EXOC2: variants seen among roughly 807,000 people sequenced by gnomAD.
The protein encoded by EXOC2 is SEC5-like 1.
EXOC2 carries 70 observed loss-of-function variants against 131.8 expected under a neutral mutation model. That is an observed-to-expected ratio of 0.53 (90% CI 0.44 to 0.65). The LOEUF (loss-of-function observed/expected upper bound fraction) is 0.65. Among genes scored for constraint, EXOC2 ranks in the 30% least tolerant of loss-of-function variants. The pLI is 0.00. For synonymous variants in EXOC2, 411 were observed against 398.4 expected (o/e 1.03, Z -0.38); for missense variants, 923 against 1,108.6 (o/e 0.83, Z 2.38).
At chr6:564,417 A>G (rs1401511996) in intron 15 of EXOC2, 128 bp downstream of exon 15, 3 of 1,328,456 alleles carry the variant, frequency 2.3e-6, no homozygotes, top group East Asian at 2.3e-5. Context: ...GATGAACAGG[A>G]AACAGTGGAG....
chr6:631,850 C>T (rs1761876088), intron 3 of EXOC2, among the ~76,000 whole-genome samples: 1 of 152,090 alleles, frequency 6.6e-6, no homozygotes, highest in East Asian at 1.9e-4. Context: ...ATAAAGTCCA[C>T]TCTGAATTTT....
chr6:572,761 C>T (rs1758356470), intron 12 of EXOC2, 117 bp from the exon 13 acceptor site: 15 of 1,309,968 alleles, frequency 1.1e-5, no homozygotes, highest in Non-Finnish European at 1.5e-5. Context: ...CTAGGAATAG[C>T]CTGAGTCTGC....
At chr6:627,551 G>A (rs1039739579) in intron 4 of EXOC2, among the ~76,000 whole-genome samples, 4 of 152,182 alleles carry the variant, frequency 2.6e-5, no homozygotes, top group East Asian at 3.8e-4. Context: ...CTGGCTTGTG[G>A]AGGGCTAATG....
intron 26 of EXOC2, among the ~76,000 whole-genome samples, chr6:490,393 G>A (rs1763361788): frequency 6.6e-6 from 1 of 152,194 alleles, no homozygotes; most frequent in South Asian, 2.1e-4. Context: ...GCTCAACAGT[G>A]AACATGGCCC....
chr6:623,752 G>A (rs574045307), intron 4 of EXOC2, among the ~76,000 whole-genome samples: 1 of 152,268 alleles, frequency 6.6e-6, no homozygotes, highest in South Asian at 2.1e-4. Flanking sequence ...GGATAAACTT[G>A]TTTTTGAACA....
At chr6:687,281 A>C (rs1764706678) in intron 1 of EXOC2, among the ~76,000 whole-genome samples, 1 of 140,300 alleles carries the variant, frequency 7.1e-6, no homozygotes, top group African/African-American at 2.6e-5. Flanking sequence ...TCCAGGCTCA[A>C]GTGATCCTCC....
chr6:599,815 T>A (rs915060145), intron 7 of EXOC2, among the ~76,000 whole-genome samples: 1 of 151,874 alleles, frequency 6.6e-6, no homozygotes, highest in African/African-American at 2.4e-5. Context: ...TTAAATCAGC[T>A]AATCTTATAA....
In EXOC2 at chr6:633,224, T is replaced by C. The variant is rs1206514495; in HGVS notation, c.119-107A>G. The stretch of plus-strand genomic sequence containing the variant: ...CTAGTCTTGTTCAATAATGACATTA[T>C]TGAATATACCCAATATTATTTGCAG... On this transcript the variant is annotated intron_variant, in intron 2 of 27. Transcript: ENST00000230449. 33 of 1,180,992 alleles carry C rather than the reference T, an allele frequency of 2.8e-5. No homozygotes were observed. In the East Asian group the frequency reaches 3.2e-4, roughly 12 times the overall value. 73.2% of individuals were successfully genotyped at this position (1,180,992 alleles called of 1,614,324 possible). A position where few individuals can be genotyped will look rare whatever the true frequency, so the allele number is the denominator to read the frequency against.
chr6:526,590 A>G (rs1000793716), intron 23 of EXOC2, among the ~76,000 whole-genome samples: 2 of 151,742 alleles, frequency 1.3e-5, no homozygotes, highest in Non-Finnish European at 2.9e-5. Flanking sequence ...ACAGGAATGC[A>G]CCACCGTGCC....
chr6:492,736 G>A (rs1039998236), intron 25 of EXOC2, among the ~76,000 whole-genome samples: 1 of 152,150 alleles, frequency 6.6e-6, no homozygotes, highest in African/African-American at 2.4e-5. Flanking sequence ...GTTGTCTGTA[G>A]GGGGAAAGGG....
intron 25 of EXOC2, among the ~76,000 whole-genome samples, chr6:494,523 T>G (rs1156485461): frequency 6.6e-6 from 1 of 152,010 alleles, no homozygotes; most frequent in African/African-American, 2.4e-5. Context: ...TTTTGACTGA[T>G]GTATACACCT....
chr6:655,519 G>C (rs1344988934), intron 1 of EXOC2, among the ~76,000 whole-genome samples: 1 of 152,106 alleles, frequency 6.6e-6, no homozygotes, highest in East Asian at 1.9e-4. Flanking sequence ...TTTCTAATGT[G>C]AATATGATAC....
chr6:630,056 C>G (rs967519122), intron 3 of EXOC2, 95 bp from the exon 4 acceptor site: 1 of 1,393,942 alleles, frequency 7.2e-7, no homozygotes, highest in Admixed American at 2.4e-5. Context: ...AGACCTAATA[C>G]AAAATGCCTG....
intron 11 of EXOC2, among the ~76,000 whole-genome samples, chr6:584,527 A>T (rs191005207): frequency 2.0e-5 from 3 of 152,290 alleles, no homozygotes; most frequent in Admixed American, 6.5e-5. Context: ...TACTCTAGTG[A>T]GTGTCAGAAA....
At position 599,150 on chromosome 6, in the gene EXOC2, G is replaced by A; in HGVS notation, c.818C>T (p.Ala273Val). The change falls in exon 8 of 28, where the codon GCA becomes GTA. Residue 273 changes from alanine to valine, a missense_variant. Transcript: ENST00000230449. ...CTTAAATCGCTGAAGCACATTGAGT[G>A]CATTTCTAGTGGAATCTGCCTTGTC... Reference protein sequence around the residue: ...RKDKADSTRNALNVLQRFKFL... With the variant: ...RKDKADSTRNVLNVLQRFKFL... 2 of 1,613,188 alleles carry A rather than the reference G, an allele frequency of 1.2e-6. No individual in the cohort carries two copies. The highest frequency in any genetic ancestry group is 1.7e-6 in the Non-Finnish European group (2 of 1,179,440).
intron 4 of EXOC2, among the ~76,000 whole-genome samples, chr6:627,416 C>T (rs969529635): frequency 1.3e-4 from 20 of 152,184 alleles, no homozygotes; most frequent in Non-Finnish European, 2.1e-4. Context: ...CACTTTCAGA[C>T]GGACAGAAGG....
In EXOC2 at chr6:564,699, T is replaced by C. The variant is rs1757877745; in HGVS notation, c.1513A>G (p.Met505Val). ...AGGGAGTGCATTACTTCCTGAATCA[T>C]TTTCTAGAAAACCAGGAACAAGCAT... is the stretch of plus-strand genomic sequence containing the variant. ...VRQRQNDFKK[M>V]IQEVMHSLVK... is the part of the protein sequence containing the mutation. Residue 505 changes from methionine (M) to valine (V), a missense_variant, in exon 15 of 28, where the codon ATG (methionine) becomes GTG (valine). Physicochemically the swap from Met to Val is conservative, Grantham distance 21. Coordinates refer to ENST00000230449, the MANE Select transcript of EXOC2 (RefSeq NM_018303.6). 5.0e-6 allele frequency: 8 copies of C among 1,586,962 alleles called. No homozygotes were observed. Among genetic ancestry groups the C allele is most frequent in the Non-Finnish European group, 6.9e-6 (8 of 1,166,236 alleles).
chr6:551,997 C>T (rs951812703), intron 21 of EXOC2, among the ~76,000 whole-genome samples: 8 of 152,326 alleles, frequency 5.3e-5, no homozygotes, highest in South Asian at 2.1e-4. Flanking sequence ...TTTCTCTCCG[C>T]GCCCTGTTGG....
At chr6:627,666 C>T (rs1048612303) in intron 4 of EXOC2, among the ~76,000 whole-genome samples, 2 of 151,956 alleles carry the variant, frequency 1.3e-5, no homozygotes, top group African/African-American at 2.4e-5. Flanking sequence ...TTTCTCATTG[C>T]GTATGTCTCC....
Sources: allele counts gnomAD v4.1 joint callset (sites outside exome capture counted in the v4.1 genomes callset), GRCh38; gene constraint gnomAD v4.1.1; transcripts MANE v1.5; gene names NCBI Gene and HGNC (gene_info 2026-07-23, HGNC 2026-07-21).